LZTFL1: variants seen among roughly 807,000 people sequenced by gnomAD.
LZTFL1 encodes leucine zipper transcription factor like 1.
Under a neutral mutation model 45.9 loss-of-function variants are expected in LZTFL1, and 25 were observed. The ratio of observed to expected loss-of-function variants is 0.54; its 90% CI spans 0.40 to 0.76. LZTFL1 has a LOEUF of 0.76. Among genes scored for constraint, LZTFL1 ranks in the 30% least tolerant of loss-of-function variants. The probability of loss-of-function intolerance (pLI) is 0.00; values close to 1 mark genes in which losing one functional copy is unlikely to be tolerated. For synonymous variants in LZTFL1, 93 were observed against 117.4 expected (o/e 0.79, Z 1.35); for missense variants, 277 against 331.1 (o/e 0.84, Z 1.27).
chr3:45,836,282 A>ATAC (rs2125687616), intron 2 of LZTFL1, among the ~76,000 whole-genome samples: 1 of 152,272 alleles, frequency 6.6e-6, no homozygotes, highest in East Asian at 1.9e-4. Flanking sequence ...AATAATAATA[A>ATAC]TAATAAAAAC....
At chr3:45,888,067 G>T (rs6806802) in intron 2 of LZTFL1, among the ~76,000 whole-genome samples, 130,008 of 152,244 alleles carry the variant, frequency 0.85, 56,088 homozygotes, top group East Asian at 1. Flanking sequence ...TGTTGGCTAC[G>T]TAAGAATGTT....
At position 45,900,062 on chromosome 3, in the gene LZTFL1, G is replaced by A. The variant is rs1220600825; in HGVS notation, c.-215+13058C>T. On this transcript the variant is annotated intron_variant, in intron 2 of 4. Coordinates refer to the LZTFL1 transcript ENST00000472635. The surrounding 1 kb of genome is among the most constrained non-coding windows in gnomAD (Gnocchi z 4.7). The stretch of plus-strand genomic sequence containing the variant: ...ATTATGTGTATGCATGTACATATGA[G>A]TGTGTGTGCTTGTTGGGGCCAGCTT... 6.6e-6 allele frequency among the ~76,000 whole-genome samples: 1 copy of A among 152,322 alleles called. No homozygotes were observed. The highest frequency in any genetic ancestry group is 2.4e-5 in the African/African-American group (1 of 41,564).
At chr3:45,909,847 C>T (rs1188593528) in intron 2 of LZTFL1, among the ~76,000 whole-genome samples, 1 of 152,222 alleles carries the variant, frequency 6.6e-6, no homozygotes, top group Non-Finnish European at 1.5e-5. Flanking sequence ...TCTTGTTCAA[C>T]TTTTGGAAAC....
At position 45,890,256 on chromosome 3, in the gene LZTFL1, G is replaced by GAAATATATATATATATTATAT. The variant is rs1402612474; in HGVS notation, c.-215+22863_-215+22864insATATAATATATATATATATTT. On this transcript the variant is annotated intron_variant, in intron 2 of 4. Transcript: ENST00000472635. ...GAGGTGACATAAGCCCTGGGTATTA[G>GAAATATATATATATATTATAT]AAATATATATATAACATATATATAT... Among the ~76,000 whole-genome samples, 3 of 20,990 alleles carry GAAATATATATATATATTATAT rather than the reference G, an allele frequency of 1.4e-4. 1 individual carries two copies. Among genetic ancestry groups the GAAATATATATATATATTATAT allele is most frequent in the African/African-American group, 5.8e-4 (3 of 5,186 alleles). The allele number at this position is 20,990 out of a possible 152,430, so 13.8% of individuals were successfully genotyped here. A position where few individuals can be genotyped will look rare whatever the true frequency, so the allele number is the denominator to read the frequency against.
At chr3:45,838,486 G>C (rs745450912) in intron 1 of LZTFL1, among the ~76,000 whole-genome samples, 3 of 152,174 alleles carry the variant, frequency 2.0e-5, no homozygotes, top group Non-Finnish European at 4.4e-5. Flanking sequence ...TGAGATGGCT[G>C]TTAAGTGAGA....
At chr3:45,905,143 T>C (rs1343346317) in intron 2 of LZTFL1, among the ~76,000 whole-genome samples, 1 of 152,248 alleles carries the variant, frequency 6.6e-6, no homozygotes, top group East Asian at 1.9e-4. Flanking sequence ...CAACGAGTAG[T>C]CACTGATTGT....
chr3:45,828,547 C>A lies in LZTFL1; in HGVS notation c.669G>T (p.Gln223His). The A allele has an allele frequency of 6.2e-7, 1 of 1,614,194 alleles. No individual in the cohort carries two copies. Among genetic ancestry groups the A allele is most frequent in the South Asian group, 1.1e-5 (1 of 91,082 alleles). Residue 223 changes from glutamine (Q) to histidine (H), a missense_variant, in exon 8 of 10, where the codon CAG (glutamine) becomes CAT (histidine). Gln to His is a conservative substitution (Grantham distance 24). Coordinates refer to ENST00000296135, the MANE Select transcript of LZTFL1 (RefSeq NM_020347.4). ...NTVAALKSEFQKTLNDKTENQ... is the reference protein window; with the variant it reads ...NTVAALKSEFHKTLNDKTENQ... ...TTTCTGTCTTGTCATTAAGTGTCTT[C>A]TGAAACTCACTCTTTAAGGCAGCGA...
At chr3:45,902,007 G>C in intron 2 of LZTFL1, 1 of 923,976 alleles carries the variant, frequency 1.1e-6, no homozygotes, top group Non-Finnish European at 1.6e-6. Context: ...AACTCAGAAA[G>C]GGATGAATCT....
intron 4 of LZTFL1, among the ~76,000 whole-genome samples, chr3:45,852,697 T>C (rs1701327070): frequency 6.6e-6 from 1 of 152,212 alleles, no homozygotes; most frequent in African/African-American, 2.4e-5. Context: ...AGGTGGTTGA[T>C]CCCTACTTTA....
At chr3:45,827,290 A>C in intron 9 of LZTFL1, 66 bp downstream of exon 9, 1 of 1,208,288 alleles carries the variant, frequency 8.3e-7, no homozygotes, top group Non-Finnish European at 1.2e-6. Flanking sequence ...GAACAAGCTT[A>C]GATTTAACAG....
chr3:45,882,715 T>C (rs2125728536), intron 2 of LZTFL1, among the ~76,000 whole-genome samples: 1 of 152,196 alleles, frequency 6.6e-6, no homozygotes, highest in Non-Finnish European at 1.5e-5. Context: ...GCGTTGTGGA[T>C]TGCTGTTTCT....
intron 2 of LZTFL1, among the ~76,000 whole-genome samples, chr3:45,863,459 G>C (rs1462662151): frequency 6.6e-6 from 1 of 152,092 alleles, no homozygotes; most frequent in African/African-American, 2.4e-5. Flanking sequence ...ATGTGGTTCT[G>C]GTCTTCAGGA....
At chr3:45,843,304 G>A (rs192514597), upstream of LZTFL1, among the ~76,000 whole-genome samples, 1 of 151,912 alleles carries the variant, frequency 6.6e-6, no homozygotes, top group Non-Finnish European at 1.5e-5. Context: ...ATTATTTAGT[G>A]CCTACTATGA....
rs138453081 is a variant in LZTFL1 at position 45,838,861 on chromosome 3, A to G, written c.4-810T>C. On this transcript the variant is annotated intron_variant, in intron 1 of 9. Coordinates refer to ENST00000296135, the MANE Select transcript of LZTFL1 (RefSeq NM_020347.4). ...AATGGAGATAGCAAGAGTTGAAGGG[A>G]AGCAAAAGGGAAATCTCTAAGGTAC... Among the ~76,000 whole-genome samples the G allele has an allele frequency of 4.1e-3, 623 of 152,330 alleles. 10 individuals are homozygous for G. Among genetic ancestry groups the G allele is most frequent in the African/African-American group, 0.013 (559 of 41,582 alleles).
intron 2 of LZTFL1, among the ~76,000 whole-genome samples, chr3:45,877,566 A>G (rs925540279): frequency 6.6e-6 from 1 of 151,752 alleles, no homozygotes; most frequent in Non-Finnish European, 1.5e-5. Context: ...ACACCTGCCC[A>G]CAGAACTCTG....
chr3:45,870,659 A>C (rs1017789564), intron 2 of LZTFL1, among the ~76,000 whole-genome samples: 1 of 152,270 alleles, frequency 6.6e-6, no homozygotes, highest in African/African-American at 2.4e-5. Flanking sequence ...TTCCAATGTT[A>C]TTCAACAGAT....
intron 4 of LZTFL1, among the ~76,000 whole-genome samples, chr3:45,849,542 AC>A (rs1701275043): frequency 1.3e-5 from 2 of 152,206 alleles, no homozygotes; most frequent in South Asian, 4.1e-4. Flanking sequence ...GTCTAGTGCT[AC>A]CATTGAAGCT....
chr3:45,867,147 C>CA (rs58937842), intron 2 of LZTFL1, among the ~76,000 whole-genome samples: 18,146 of 61,058 alleles, frequency 0.3, 2,606 homozygotes, highest in African/African-American at 0.5. Context: ...GACTCAATCT[C>CA]AAAAAAAAAA....
chr3:45,891,037 G>C (rs1001108102), intron 2 of LZTFL1, among the ~76,000 whole-genome samples: 5 of 152,222 alleles, frequency 3.3e-5, no homozygotes, highest in African/African-American at 1.2e-4. Context: ...GGGTGATTTT[G>C]ATTTTCTCCT....
Sources: gnomAD v4.1 joint callset for allele counts (sites outside exome capture counted in the v4.1 genomes callset) on GRCh38, gnomAD v4.1.1 for gene constraint, Gnocchi (gnomAD v3.1) non-coding constraint, MANE v1.5 for transcripts, NCBI Gene and HGNC (gene_info 2026-07-23, HGNC 2026-07-21) for gene names.